Variants in MSH3 observed in about 807,000 individuals in gnomAD.
MSH3 encodes the protein mutS homolog 3, also known as DNA mismatch repair protein Msh3.
In MSH3, 106 loss-of-function variants were observed where a neutral mutation model predicts 123.3. That is an observed-to-expected ratio of 0.86 (90% CI 0.73 to 1.01). The LOEUF (loss-of-function observed/expected upper bound fraction) is 1.01. MSH3 is among the 50% of genes least tolerant of loss of function. The pLI is 0.00. For synonymous variants in MSH3, 515 were observed against 481.4 expected, an observed-to-expected ratio of 1.07 and a Z score of -0.91; for missense variants, 1,459 against 1,347.6, an observed-to-expected ratio of 1.08 and a Z score of -1.29.
chr5:80,744,415 A>G (rs1401740309), intron 11 of MSH3, 91 bp from the exon 12 acceptor site: 1 of 860,708 alleles, frequency 1.2e-6, no homozygotes. Context: ...TGTGCTAGGT[A>G]TATATGACAT....
At chr5:80,667,556 G>C (rs1368313671) in intron 3 of MSH3, among the ~76,000 whole-genome samples, 1 of 152,198 alleles carries the variant, frequency 6.6e-6, no homozygotes, top group East Asian at 1.9e-4. Context: ...AGCTGCCAAG[G>C]GTGAGCCAGG....
At chr5:80,761,420 T>C in intron 12 of MSH3, 126 bp from the exon 13 acceptor site, 1 of 1,136,106 alleles carries the variant, frequency 8.8e-7, no homozygotes, top group Non-Finnish European at 1.3e-6. Context: ...ACTATCTCAG[T>C]ATGAAGGAGG....
intron 20 of MSH3, among the ~76,000 whole-genome samples, chr5:80,843,931 C>G (rs1357063602): frequency 6.6e-6 from 1 of 151,370 alleles, no homozygotes; most frequent in Non-Finnish European, 1.5e-5. Flanking sequence ...TATTTCTTGC[C>G]TTCTGCTTGC....
At chr5:80,752,295 A>G (rs1467709664) in intron 12 of MSH3, among the ~76,000 whole-genome samples, 1 of 151,942 alleles carries the variant, frequency 6.6e-6, no homozygotes, top group East Asian at 1.9e-4. Flanking sequence ...TTTGTATAGG[A>G]CAAGCAGAGG....
intron 2 of MSH3, among the ~76,000 whole-genome samples, chr5:80,658,032 G>T (rs1561431465): frequency 2.3e-4 from 11 of 48,086 alleles, no homozygotes; most frequent in East Asian, 5.2e-4. Context: ...AATGCTTTTT[G>T]CCCTCTTTTT....
At chr5:80,722,926 G>A (rs969924242) in intron 8 of MSH3, among the ~76,000 whole-genome samples, 2 of 151,958 alleles carry the variant, frequency 1.3e-5, no homozygotes, top group Admixed American at 6.6e-5. Flanking sequence ...GCAACATGGC[G>A]AAACCCTGTA....
At chr5:80,665,973 T>G (rs1284950634) in intron 3 of MSH3, among the ~76,000 whole-genome samples, 1 of 152,198 alleles carries the variant, frequency 6.6e-6, no homozygotes, top group African/African-American at 2.4e-5. Flanking sequence ...AAACAAAAAT[T>G]GCCATTAAGA....
chr5:80,796,212 C>G (rs1052462170), intron 19 of MSH3, among the ~76,000 whole-genome samples: 5 of 152,082 alleles, frequency 3.3e-5, no homozygotes, highest in East Asian at 3.9e-4. Context: ...TTTTTTCTTT[C>G]CTTTTTCATT....
chr5:80,709,965 T>C (rs1175091463), intron 8 of MSH3, among the ~76,000 whole-genome samples: 2 of 152,252 alleles, frequency 1.3e-5, no homozygotes, highest in Admixed American at 1.3e-4. Context: ...AAATATTCCT[T>C]AATGCTGGTA....
In MSH3 at chr5:80,667,862, C is replaced by G. The variant is rs141853862; in HGVS notation, c.580-2235C>G. ...CCACAGCTCTTCTCTCCTGTCTTCT[C>G]TCCTTCTTGTTGCTGCAATGTGGCA... On this transcript the variant is annotated intron_variant, in intron 3 of 23. Coordinates refer to ENST00000265081, the MANE Select transcript of MSH3 (RefSeq NM_002439.5). 6.1e-3 allele frequency among the ~76,000 whole-genome samples: 934 copies of G among 152,320 alleles called. 5 individuals are homozygous for G. Among genetic ancestry groups the G allele is most frequent in the Non-Finnish European group, 0.011 (718 of 68,028 alleles).
intron 20 of MSH3, among the ~76,000 whole-genome samples, chr5:80,816,040 AC>A (rs1745097696): frequency 6.6e-6 from 1 of 152,218 alleles, no homozygotes. Context: ...AGCCTTCTAA[AC>A]CATGCTGATT....
At chr5:80,875,555 A>T (rs1746292951) in intron 23 of MSH3, among the ~76,000 whole-genome samples, 196 bp from the exon 24 acceptor site, 1 of 152,238 alleles carries the variant, frequency 6.6e-6, no homozygotes, top group South Asian at 2.1e-4. Flanking sequence ...AATAGTGGCA[A>T]TTGGTAACCT....
intron 21 of MSH3, among the ~76,000 whole-genome samples, chr5:80,859,459 T>C (rs1458851429): frequency 6.6e-6 from 1 of 152,150 alleles, no homozygotes; most frequent in Non-Finnish European, 1.5e-5. Context: ...GTTATTTTTA[T>C]ATTTAAGGTG....
intron 22 of MSH3, among the ~76,000 whole-genome samples, chr5:80,869,835 TATATATAC>T (rs1746176883): frequency 5.4e-5 from 2 of 37,002 alleles, no homozygotes; most frequent in Admixed American, 3.4e-4. Context: ...CATATATACA[TATATATAC>T]ACACACACAC....
intron 20 of MSH3, among the ~76,000 whole-genome samples, chr5:80,821,036 A>C (rs1413685373): frequency 2.0e-5 from 3 of 152,210 alleles, no homozygotes; most frequent in Non-Finnish European, 4.4e-5. Context: ...AGATGGGATA[A>C]TCATGATACT....
At chr5:80,808,873 A>ATATATATATATATATATATATATG (rs754318556) in intron 19 of MSH3, among the ~76,000 whole-genome samples, 30 of 137,034 alleles carry the variant, frequency 2.2e-4, no homozygotes, top group African/African-American at 6.0e-4. Flanking sequence ...ATATATATAT[A>ATATATATATATATATATATATATG]TATATATATA....
intron 8 of MSH3, among the ~76,000 whole-genome samples, chr5:80,692,403 GAT>G (rs1243611996): frequency 0.1 from 3,712 of 36,018 alleles, 1,433 homozygotes; most frequent in Non-Finnish European, 0.11. Flanking sequence ...TATATGTTTA[GAT>G]AGATAAACAT....
intron 17 of MSH3, among the ~76,000 whole-genome samples, chr5:80,780,917 G>C (rs1224937543): frequency 1.3e-5 from 2 of 151,998 alleles, no homozygotes; most frequent in Middle Eastern, 3.4e-3. Context: ...GTCCTTCAGG[G>C]AGCTTTATTG....
intron 19 of MSH3, among the ~76,000 whole-genome samples, chr5:80,795,437 C>T (rs1264452974): frequency 1.3e-5 from 2 of 152,006 alleles, no homozygotes; most frequent in East Asian, 3.9e-4. Context: ...CTGGTGAGGG[C>T]CTGTTTCCTG....
Sources: allele counts gnomAD v4.1 joint callset (sites outside exome capture counted in the v4.1 genomes callset), GRCh38; gene constraint gnomAD v4.1.1; transcripts MANE v1.5; gene names NCBI Gene and HGNC (gene_info 2026-07-23, HGNC 2026-07-21).